Variants in NLGN1 observed in about 807,000 individuals in gnomAD.
NLGN1 encodes the protein neuroligin-1.
A neutral mutation model predicts 65.5 loss-of-function variants in NLGN1; 12 were observed. The ratio of observed to expected loss-of-function variants is 0.18; its 90% CI spans 0.12 to 0.30. The LOEUF is 0.30. Among genes scored for constraint, NLGN1 ranks in the 10% least tolerant of loss-of-function variants. NLGN1 has a pLI of 1.00. For synonymous variants in NLGN1, 350 were observed against 359.5 expected (o/e 0.97, Z 0.30); for missense variants, 750 against 1,007.1 (o/e 0.74, Z 3.46).
At chr3:173,425,135 A>G (rs999302380) in intron 1 of NLGN1, among the ~76,000 whole-genome samples, 1 of 152,142 alleles carries the variant, frequency 6.6e-6, no homozygotes, top group Non-Finnish European at 1.5e-5. Context: ...CCACACTTAA[A>G]ACCATCAGAT....
At chr3:173,712,995 A>C (rs1578083228) in intron 3 of NLGN1, among the ~76,000 whole-genome samples, 1 of 152,128 alleles carries the variant, frequency 6.6e-6, no homozygotes, top group African/African-American at 2.4e-5. Flanking sequence ...GATATACTTA[A>C]AGACAAAGGG....
At chr3:173,968,156 G>A (rs1444437956) in intron 4 of NLGN1, among the ~76,000 whole-genome samples, 3 of 152,068 alleles carry the variant, frequency 2.0e-5, no homozygotes, top group Non-Finnish European at 2.9e-5. Flanking sequence ...TGAAAACATC[G>A]TGGGGTTTTT....
At chr3:174,192,609 T>G (rs1450055334) in intron 4 of NLGN1, among the ~76,000 whole-genome samples, 1 of 152,164 alleles carries the variant, frequency 6.6e-6, no homozygotes, top group East Asian at 1.9e-4. Flanking sequence ...ACAATGTAGG[T>G]CCTGTCACGA....
intron 3 of NLGN1, among the ~76,000 whole-genome samples, chr3:173,655,931 T>C (rs1759954182): frequency 6.6e-6 from 1 of 152,028 alleles, no homozygotes; most frequent in Non-Finnish European, 1.5e-5. Context: ...AAAGCAGAGA[T>C]TCATTGAAAA....
At chr3:173,676,427 C>G (rs931540108) in intron 3 of NLGN1, among the ~76,000 whole-genome samples, 3 of 152,012 alleles carry the variant, frequency 2.0e-5, no homozygotes, top group Non-Finnish European at 2.9e-5. Context: ...CCTTTTGGTT[C>G]CCTGACAGTG....
intron 3 of NLGN1, among the ~76,000 whole-genome samples, chr3:173,789,511 T>C (rs541666195): frequency 1.3e-5 from 2 of 152,322 alleles, no homozygotes; most frequent in South Asian, 2.1e-4. Flanking sequence ...TCCCTTCCTT[T>C]TCACAGCCAA....
At chr3:173,866,555 T>G (rs1399133673) in intron 4 of NLGN1, among the ~76,000 whole-genome samples, 1 of 152,232 alleles carries the variant, frequency 6.6e-6, no homozygotes, top group Non-Finnish European at 1.5e-5. Context: ...AAAACTATTT[T>G]AGAATTGAAT....
chr3:174,288,998 C>G (rs1043190305), downstream of NLGN1, among the ~76,000 whole-genome samples: 1 of 151,336 alleles, frequency 6.6e-6, no homozygotes, highest in African/African-American at 2.4e-5. Context: ...TCATTAGGTA[C>G]AGCACTACAG....
At chr3:173,474,899 A>G (rs1297337449) in intron 2 of NLGN1, among the ~76,000 whole-genome samples, 2 of 152,102 alleles carry the variant, frequency 1.3e-5, no homozygotes, top group East Asian at 3.9e-4. Context: ...CAGAGGTTGC[A>G]GTGAGTGGAG....
chr3:174,120,374 G>T (rs977301123), intron 4 of NLGN1, among the ~76,000 whole-genome samples: 5 of 151,982 alleles, frequency 3.3e-5, no homozygotes, highest in African/African-American at 9.7e-5. Flanking sequence ...GGACATCGTG[G>T]TGCATGCCTG....
At chr3:174,238,679 T>A (rs9829494) in intron 4 of NLGN1, among the ~76,000 whole-genome samples, 27,601 of 152,166 alleles carry the variant, frequency 0.18, 2,623 homozygotes, top group Middle Eastern at 0.22. Flanking sequence ...CTTCTTATGT[T>A]TTTTTCTCCC....
Position 174,279,359 on chromosome 3 carries a change from G to T in NLGN1, c.1358G>T (p.Arg453Ile). ...GACCGTCATAACCCTGAAACCAGAA[G>T]AAAGACATTACTGGCTTTGTTTACG... Residue 453 changes from arginine (R) to isoleucine (I), a missense_variant, in exon 6 of 7, where the codon AGA (arginine) becomes ATA (isoleucine). Arg to Ile is a moderately conservative substitution (Grantham distance 97). Coordinates refer to ENST00000457714, the Ensembl canonical transcript of NLGN1. The surrounding 1 kb of genome is among the most constrained non-coding windows in gnomAD (Gnocchi z 4.7). 1 of 1,613,414 alleles carries T rather than the reference G, an allele frequency of 6.2e-7. No homozygotes were observed. Among genetic ancestry groups the T allele is most frequent in the Non-Finnish European group, 8.5e-7 (1 of 1,179,590 alleles).
chr3:174,193,384 G>T (rs1392479147), intron 4 of NLGN1, among the ~76,000 whole-genome samples: 1 of 152,136 alleles, frequency 6.6e-6, no homozygotes, highest in Non-Finnish European at 1.5e-5. Context: ...TTGGGAGAGG[G>T]ATTATTGGTG....
At chr3:173,931,630 T>G (rs1041933216) in intron 4 of NLGN1, among the ~76,000 whole-genome samples, 1 of 151,634 alleles carries the variant, frequency 6.6e-6, no homozygotes, top group African/African-American at 2.4e-5. Flanking sequence ...AAAGAGTGAG[T>G]AGAAATAGAG....
chr3:174,178,206 A>G (rs1729790404), intron 4 of NLGN1, among the ~76,000 whole-genome samples: 1 of 152,124 alleles, frequency 6.6e-6, no homozygotes, highest in African/African-American at 2.4e-5. Flanking sequence ...TGATTTATTC[A>G]GATAACTGAC....
At chr3:173,528,667 A>C (rs1485009640) in intron 2 of NLGN1, among the ~76,000 whole-genome samples, 3 of 152,010 alleles carry the variant, frequency 2.0e-5, no homozygotes, top group Non-Finnish European at 4.4e-5. Flanking sequence ...CTTTTGTCTA[A>C]CTGGGTTAAT....
intron 4 of NLGN1, among the ~76,000 whole-genome samples, chr3:174,265,771 A>T (rs1747998246): frequency 1.7e-5 from 2 of 118,906 alleles, no homozygotes; most frequent in Non-Finnish European, 3.4e-5. Context: ...GGCTATATAT[A>T]TATATATATA....
chr3:173,941,136 G>T (rs1479334339), intron 4 of NLGN1, among the ~76,000 whole-genome samples: 3 of 152,088 alleles, frequency 2.0e-5, no homozygotes, highest in Non-Finnish European at 4.4e-5. Context: ...ATATCTACAT[G>T]CCAGATAGTT....
chr3:174,267,680 A>G (rs1409962125), intron 4 of NLGN1, among the ~76,000 whole-genome samples: 1 of 152,148 alleles, frequency 6.6e-6, no homozygotes, highest in Non-Finnish European at 1.5e-5. Context: ...CTTTCCCTCA[A>G]GATTGGCTGC....
Sources: gnomAD v4.1 joint callset for allele counts (sites outside exome capture counted in the v4.1 genomes callset) on GRCh38, gnomAD v4.1.1 for gene constraint, Gnocchi (gnomAD v3.1) non-coding constraint, MANE v1.5 for transcripts, NCBI Gene and HGNC (gene_info 2026-07-23, HGNC 2026-07-21) for gene names.